The following COTL1 variants were observed in gnomAD, a reference collection of about 807,000 sequenced individuals.
The protein encoded by COTL1 is coactosin-like protein.
In COTL1, 15 loss-of-function variants were observed where a neutral mutation model predicts 16.5. That is an observed-to-expected ratio of 0.91 (90% CI 0.61 to 1.40). COTL1 has a LOEUF of 1.40. Ranked by LOEUF, COTL1 falls within the 40% of genes most tolerant of loss-of-function variation. The probability of loss-of-function intolerance (pLI) is 0.00; values close to 1 mark genes in which losing one functional copy is unlikely to be tolerated. For synonymous variants in COTL1, 112 were observed against 85.3 expected (o/e 1.31, Z -1.73); for missense variants, 220 against 201.5 (o/e 1.09, Z -0.56).
chr16:84,593,550 C>T (rs557480778), intron 2 of COTL1, among the ~76,000 whole-genome samples: 20 of 150,634 alleles, frequency 1.3e-4, no homozygotes, highest in South Asian at 1.3e-3. Context: ...CTCGCTCCGT[C>T]GCCCAGGCTG....
At chr16:84,613,765 T>G (rs1222144111) in intron 2 of COTL1, among the ~76,000 whole-genome samples, 1 of 152,208 alleles carries the variant, frequency 6.6e-6, no homozygotes. Flanking sequence ...GAAAGTGGCA[T>G]GCCATTCTTC....
At chr16:84,584,390 T>C (rs1023305928) in intron 3 of COTL1, among the ~76,000 whole-genome samples, 1 of 152,260 alleles carries the variant, frequency 6.6e-6, no homozygotes, top group Non-Finnish European at 1.5e-5. Context: ...TCACTCCTAA[T>C]TCTTCCAGGC....
rs906706350 is a variant in COTL1, at chr16:84,617,365, G to A, written c.160+136C>T. The A allele has an allele frequency of 3.1e-5, 23 of 745,178 alleles. No individual in the cohort carries two copies. The East Asian group carries it at 6.0e-4, about 19-fold the overall frequency. 46.2% of individuals were successfully genotyped at this position (745,178 alleles called of 1,614,324 possible). A position where few individuals can be genotyped will look rare whatever the true frequency, so the allele number is the denominator to read the frequency against. On this transcript the variant is annotated intron_variant, in intron 2 of 3. Coordinates refer to ENST00000262428, the MANE Select transcript of COTL1 (RefSeq NM_021149.5). ...TATGAGGCCTTAAAACGCTCACACC[G>A]GGTTCCTCCCACGCCATGCGCCAGG...
intron 2 of COTL1, among the ~76,000 whole-genome samples, chr16:84,601,169 T>C (rs1905100062): frequency 6.6e-6 from 1 of 152,214 alleles, no homozygotes; most frequent in Admixed American, 6.5e-5. Flanking sequence ...TGTGTCTGCT[T>C]TTCACTGTTG....
chr16:84,597,267 G>A (rs1238007340), intron 2 of COTL1, among the ~76,000 whole-genome samples: 1 of 152,062 alleles, frequency 6.6e-6, no homozygotes, highest in Non-Finnish European at 1.5e-5. Context: ...ACTTATGAGG[G>A]GCCAGTCCCC....
At chr16:84,613,484 G>A (rs772235544) in intron 2 of COTL1, among the ~76,000 whole-genome samples, 23 of 152,146 alleles carry the variant, frequency 1.5e-4, no homozygotes, top group Non-Finnish European at 2.6e-4. Flanking sequence ...GATGTGTGAG[G>A]GAGGGTGTGT....
At chr16:84,595,212 G>A (rs993593018) in intron 2 of COTL1, 7 of 152,372 alleles carry the variant, frequency 4.6e-5, no homozygotes, top group African/African-American at 9.7e-5. Flanking sequence ...GTGGGGGAGC[G>A]GGGTAAAGAG....
intron 3 of COTL1, among the ~76,000 whole-genome samples, chr16:84,573,277 G>A (rs1457017311): frequency 6.6e-6 from 1 of 152,248 alleles, no homozygotes; most frequent in African/African-American, 2.4e-5. Flanking sequence ...CACTGATATG[G>A]CTGGGTGCGC....
chr16:84,582,208 T>A (rs1372698695), intron 3 of COTL1, among the ~76,000 whole-genome samples: 1 of 151,950 alleles, frequency 6.6e-6, no homozygotes, highest in African/African-American at 2.4e-5. Flanking sequence ...TTGGCCAGGT[T>A]GGTCGCGAAC....
chr16:84,578,227 C>T (rs1270061086), intron 3 of COTL1, among the ~76,000 whole-genome samples: 1 of 152,158 alleles, frequency 6.6e-6, no homozygotes, highest in Admixed American at 6.5e-5. Flanking sequence ...AAACTGTGCC[C>T]AGCATTTCTT....
intron 3 of COTL1, among the ~76,000 whole-genome samples, chr16:84,589,288 T>C (rs1416140954): frequency 1.3e-5 from 2 of 152,234 alleles, no homozygotes; most frequent in African/African-American, 4.8e-5. Context: ...GTCTATTGTT[T>C]TTAAACGTTT....
At chr16:84,592,838 TC>T in intron 2 of COTL1, among the ~76,000 whole-genome samples, 1 of 152,160 alleles carries the variant, frequency 6.6e-6, no homozygotes, top group East Asian at 1.9e-4. Flanking sequence ...CATCCATTTG[TC>T]CCCGGGAGCT....
intron 2 of COTL1, among the ~76,000 whole-genome samples, chr16:84,591,357 G>A (rs1328701197): frequency 2.0e-5 from 3 of 151,068 alleles, no homozygotes; most frequent in Non-Finnish European, 3.0e-5. Flanking sequence ...CTAATTTTTT[G>A]TATTTTTAGT....
At position 84,590,669 on chromosome 16, in the gene COTL1, G is replaced by T. The variant is rs1904840859; in HGVS notation, c.161-407C>A. ...CACAGATGTGGGTGCCGCCAGCAGTGCCAGGGCCCAGCCAAAAAAAATTTA... is the reference window on the plus strand; with the variant it reads ...CACAGATGTGGGTGCCGCCAGCAGTTCCAGGGCCCAGCCAAAAAAAATTTA... On this transcript the variant is annotated intron_variant, in intron 2 of 3. Transcript: ENST00000262428. The surrounding 1 kb of genome is among the most constrained non-coding windows in gnomAD (Gnocchi z 5.5). Among the ~76,000 whole-genome samples the T allele has an allele frequency of 6.6e-6, 1 of 152,210 alleles. No individual in the cohort carries two copies.
chr16:84,582,800 G>A (rs1904629010), intron 3 of COTL1, among the ~76,000 whole-genome samples: 1 of 152,066 alleles, frequency 6.6e-6, no homozygotes, highest in African/African-American at 2.4e-5. Context: ...TGAAAACACA[G>A]AAATTCTAGT....
At chr16:84,617,408 C>T (rs1393133810) in intron 2 of COTL1, 93 bp downstream of exon 2, 1 of 1,239,188 alleles carries the variant, frequency 8.1e-7, no homozygotes, top group African/African-American at 1.5e-5. Context: ...CATGTGGCCA[C>T]CGGTTCCTCC....
chr16:84,614,381 C>T (rs561335833), intron 2 of COTL1, among the ~76,000 whole-genome samples: 2 of 152,118 alleles, frequency 1.3e-5, no homozygotes, highest in South Asian at 2.1e-4. Context: ...GCAGCACAGA[C>T]ACCCCGTGGC....
chr16:84,581,455 T>C (rs1904591404), intron 3 of COTL1, among the ~76,000 whole-genome samples: 1 of 152,160 alleles, frequency 6.6e-6, no homozygotes, highest in Non-Finnish European at 1.5e-5. Context: ...TGGAGGGTTG[T>C]AGGTTCTCCC....
intron 3 of COTL1, chr16:84,575,159 T>A (rs967736485): frequency 6.6e-6 from 1 of 151,674 alleles, no homozygotes; most frequent in African/African-American, 2.4e-5. Flanking sequence ...TGCCTCAGCC[T>A]CTCGAGTAGC....
Sources: allele counts gnomAD v4.1 joint callset (sites outside exome capture counted in the v4.1 genomes callset), GRCh38; gene constraint gnomAD v4.1.1; non-coding constraint Gnocchi (gnomAD v3.1); transcripts MANE v1.5; gene names NCBI Gene and HGNC (gene_info 2026-07-23, HGNC 2026-07-21).